The following KALRN variants were observed in gnomAD, a reference collection of about 807,000 sequenced individuals.
KALRN encodes the protein kalirin.
A neutral mutation model predicts 353.7 loss-of-function variants in KALRN; 70 were observed. That is an observed-to-expected ratio of 0.20 (90% CI 0.16 to 0.24). The LOEUF is 0.24. KALRN is among the 10% of genes least tolerant of loss of function. The pLI is 1.00. For missense variants in KALRN, 2,791 were observed against 3,756.7 expected (o/e 0.74, Z 6.72); for synonymous variants, 1,391 against 1,434.8 (o/e 0.97, Z 0.69).
intron 1 of KALRN, among the ~76,000 whole-genome samples, chr3:124,101,718 G>A (rs2061879481): frequency 6.6e-6 from 1 of 152,148 alleles, no homozygotes; most frequent in Non-Finnish European, 1.5e-5. Flanking sequence ...CATCTTCTAT[G>A]TCTGACAGAT....
chr3:124,218,088 C>A (rs1350736846), intron 1 of KALRN, among the ~76,000 whole-genome samples: 2 of 152,126 alleles, frequency 1.3e-5, no homozygotes, highest in Non-Finnish European at 2.9e-5. Flanking sequence ...CTGTGGTCAG[C>A]CATTGCTACT....
intron 1 of KALRN, among the ~76,000 whole-genome samples, chr3:124,176,967 C>A (rs903221966): frequency 2.0e-5 from 3 of 152,166 alleles, no homozygotes; most frequent in Non-Finnish European, 2.9e-5. Context: ...CTGTCAGACT[C>A]CCAGGGCAGA....
chr3:124,248,176 A>T (rs2070602717), intron 3 of KALRN, among the ~76,000 whole-genome samples: 2 of 152,170 alleles, frequency 1.3e-5, no homozygotes, highest in South Asian at 2.1e-4. Context: ...CTTGCCCCTG[A>T]GGGTGTGGAG....
intron 1 of KALRN, among the ~76,000 whole-genome samples, chr3:124,191,574 TG>T (rs1268457983): frequency 6.6e-6 from 1 of 152,238 alleles, no homozygotes; most frequent in Non-Finnish European, 1.5e-5. Context: ...TTGTGTCTGC[TG>T]GGGCTGGAAT....
At chr3:124,601,472 G>C (rs13096410) in intron 34 of KALRN, among the ~76,000 whole-genome samples, 23,553 of 152,206 alleles carry the variant, frequency 0.15, 1,954 homozygotes, top group Middle Eastern at 0.19. Flanking sequence ...GGGAGTGTCC[G>C]TGTTCAAAAC....
chr3:124,270,468 A>G (rs953388671), intron 5 of KALRN, among the ~76,000 whole-genome samples: 1 of 152,198 alleles, frequency 6.6e-6, no homozygotes, highest in Non-Finnish European at 1.5e-5. Flanking sequence ...ATTTCTCTGT[A>G]TAATTTTATA....
intron 1 of KALRN, among the ~76,000 whole-genome samples, 194 bp from the exon 2 acceptor site, chr3:124,227,796 C>A (rs1579683053): frequency 6.8e-6 from 1 of 148,012 alleles, no homozygotes; most frequent in Non-Finnish European, 1.5e-5. Context: ...GCCCTGATCA[C>A]CCCTATGGCT....
rs560040643 is a variant in KALRN at position 124,711,189 on chromosome 3, T to A, written c.8076-1746T>A. On this transcript the variant is annotated intron_variant, in intron 57 of 59. Coordinates refer to ENST00000682506, the MANE Select transcript of KALRN (RefSeq NM_001388419.1). ...TTTACTGATTAGTACATTATTTTTT[T>A]AAAAAAAATTTTTAAAGCGAAAGGA... is the stretch of plus-strand genomic sequence containing the variant. Among the ~76,000 whole-genome samples the A allele has an allele frequency of 9.2e-5, 14 of 152,248 alleles. No individual in the cohort carries two copies. In the Middle Eastern group the frequency reaches 0.01, roughly 111 times the overall value.
At position 124,669,897 on chromosome 3, in the gene KALRN, CA is replaced by C. The variant is rs202239070; in HGVS notation, c.6704-1761del. ...TTATACTATATTGTTTATGGAATGA[CA>C]AGAAAAAAAACTCTGTACATGTTCA... On this transcript the variant is annotated intron_variant, in intron 47 of 59. Coordinates refer to ENST00000682506, the MANE Select transcript of KALRN (RefSeq NM_001388419.1). Among the ~76,000 whole-genome samples, 1,101 of 149,686 alleles carry C rather than the reference CA, an allele frequency of 7.4e-3. 8 individuals carry two copies. The highest frequency in any genetic ancestry group is 9.5e-3 in the Non-Finnish European group (642 of 67,594).
chr3:124,362,316 C>A (rs1007401266), intron 10 of KALRN, among the ~76,000 whole-genome samples: 2 of 152,184 alleles, frequency 1.3e-5, no homozygotes, highest in African/African-American at 4.8e-5. Flanking sequence ...AAATTTTTAA[C>A]AGGAGAAAAG....
At position 124,694,392 on chromosome 3, in the gene KALRN, T is replaced by C; in HGVS notation, c.7466T>C (p.Ile2489Thr). The change falls in exon 53 of 60, where the codon ATA becomes ACA. Residue 2489 changes from isoleucine (I) to threonine (T), a missense_variant. Coordinates refer to ENST00000682506, the MANE Select transcript of KALRN (RefSeq NM_001388419.1). ...DVTCLLGDTV[I>T]LQCKVCGRPK... ...ACCTGCTTGCTTGGGGACACAGTGA[T>C]ACTGCAGTGCAAAGTCTGTGGGCGG... 8 of 1,614,228 alleles carry C rather than the reference T, an allele frequency of 5.0e-6. No homozygotes were observed. The highest frequency in any genetic ancestry group is 6.8e-6 in the Non-Finnish European group (8 of 1,180,032).
At position 124,495,965 on chromosome 3, in the gene KALRN, GTATATATATATATATATATATATATATA is replaced by G. The variant is rs768441029; in HGVS notation, c.4833-325_4833-298del. ...CCCAAGTGTGTGTATGTGTATGTATGTATATATATATATATATATATATATATATATATATATATATATATATACACAC... is the reference window on the plus strand; with the variant it reads ...CCCAAGTGTGTGTATGTGTATGTATGTATATATATATATATATATACACAC... On this transcript the variant is annotated intron_variant, in intron 32 of 59. Transcript: ENST00000682506. Among the ~76,000 whole-genome samples the G allele has an allele frequency of 4.3e-4, 18 of 41,476 alleles. 2 individuals are homozygous for G. Among genetic ancestry groups the G allele is most frequent in the East Asian group, 3.5e-3 (3 of 856 alleles). 27.2% of individuals were successfully genotyped at this position (41,476 alleles called of 152,430 possible).
chr3:124,226,924 CTATT>C (rs1196285028), intron 1 of KALRN, among the ~76,000 whole-genome samples: 1 of 152,164 alleles, frequency 6.6e-6, no homozygotes, highest in Non-Finnish European at 1.5e-5. Context: ...CTTCTGAGGT[CTATT>C]TGTGTCATGT....
At chr3:124,532,048 A>G (rs908180904) in intron 33 of KALRN, among the ~76,000 whole-genome samples, 1 of 152,222 alleles carries the variant, frequency 6.6e-6, no homozygotes, top group Non-Finnish European at 1.5e-5. Context: ...TCTGTATCTT[A>G]GAGCTTAATT....
At chr3:124,564,726 G>A (rs570146040) in intron 34 of KALRN, among the ~76,000 whole-genome samples, 1 of 152,194 alleles carries the variant, frequency 6.6e-6, no homozygotes, top group East Asian at 1.9e-4. Flanking sequence ...AAACGCAAAT[G>A]ATCAGAACCC....
At chr3:124,693,996 C>A (rs766568015) in intron 52 of KALRN, among the ~76,000 whole-genome samples, 165 bp downstream of exon 52, 93 of 152,024 alleles carry the variant, frequency 6.1e-4, no homozygotes, top group Non-Finnish European at 3.2e-4. Context: ...CTAAAGCTTG[C>A]GATATGTATA....
intron 1 of KALRN, among the ~76,000 whole-genome samples, chr3:124,146,806 G>A (rs1431392545): frequency 2.9e-5 from 4 of 136,904 alleles, no homozygotes; most frequent in African/African-American, 8.0e-5. Context: ...GCGCCTGGGA[G>A]GCAGAGGTTG....
rs1411060404 is a variant in KALRN, at chr3:124,719,928, G to T, written c.*458G>T. The T allele has an allele frequency of 6.0e-6, 1 of 166,652 alleles. No individual in the cohort carries two copies. The highest frequency in any genetic ancestry group is 1.3e-5 in the Non-Finnish European group (1 of 75,866). 10.3% of individuals were successfully genotyped at this position (166,652 alleles called of 1,614,324 possible). A position where few individuals can be genotyped will look rare whatever the true frequency, so the allele number is the denominator to read the frequency against. On this transcript the variant is annotated 3_prime_UTR_variant, in exon 60 of 60. Transcript: ENST00000682506. The surrounding 1 kb of genome is among the most constrained non-coding windows in gnomAD (Gnocchi z 5.3). Reference sequence around the variant, plus strand: ...TAACTTAGATATAGTTTCTTAATAGGATAGATACCCACATACAGTATAATA... The same window carrying T: ...TAACTTAGATATAGTTTCTTAATAGTATAGATACCCACATACAGTATAATA...
intron 33 of KALRN, chr3:124,519,278 T>A: frequency 1.0e-6 from 1 of 965,588 alleles, no homozygotes; most frequent in Non-Finnish European, 1.2e-6. Flanking sequence ...TGGACATTCA[T>A]TATACCATTC....
Sources: allele counts gnomAD v4.1 joint callset (sites outside exome capture counted in the v4.1 genomes callset), GRCh38; gene constraint gnomAD v4.1.1; non-coding constraint Gnocchi (gnomAD v3.1); transcripts MANE v1.5; gene names NCBI Gene and HGNC (gene_info 2026-07-23, HGNC 2026-07-21).